Variants in ZFYVE19 observed in about 807,000 individuals in gnomAD.
ZFYVE19 encodes zinc finger FYVE-type containing 19.
A neutral mutation model predicts 62.8 loss-of-function variants in ZFYVE19; 49 were observed. The ratio of observed to expected loss-of-function variants is 0.78; its 90% CI spans 0.62 to 0.99. ZFYVE19 has a LOEUF of 0.99. ZFYVE19 is among the 50% of genes least tolerant of loss of function. The pLI is 0.00. For synonymous variants in ZFYVE19, 242 were observed against 234.3 expected (o/e 1.03, Z -0.30); for missense variants, 630 against 601.9 (o/e 1.05, Z -0.49).
intron 3 of ZFYVE19, 114 bp downstream of exon 3, chr15:40,809,572 C>CCTGA: frequency 7.4e-7 from 1 of 1,348,140 alleles, no homozygotes; most frequent in Non-Finnish European, 1.0e-6. Flanking sequence ...GGAGAATTCT[C>CCTGA]TCCTCTCTGG....
Position 40,809,470 on chromosome 15 carries a change from A to T in ZFYVE19, c.452+12A>T, listed in dbSNP as rs1890407562. ...CAGAACTATAAGAAGTAAGTGCTGA[A>T]GAGAAAAAGACAAAGAGCATTGGGG... is the stretch of plus-strand genomic sequence containing the variant. On this transcript the variant is annotated intron_variant, in intron 3 of 10. Transcript: ENST00000355341. The T allele has an allele frequency of 6.2e-7, 1 of 1,614,012 alleles. No homozygotes were observed. Among genetic ancestry groups the T allele is most frequent in the South Asian group, 1.1e-5 (1 of 91,068 alleles).
In ZFYVE19 at chr15:40,814,496, T is replaced by C; in HGVS notation, c.*270T>C. 5.8e-6 allele frequency: 3 copies of C among 517,148 alleles called. No homozygotes were observed. The highest frequency in any genetic ancestry group is 4.2e-5 in the South Asian group (2 of 48,068). 32.0% of individuals were successfully genotyped at this position (517,148 alleles called of 1,614,324 possible). ...CCAGACTGAATCTACGGGTGAGCCC[T>C]GTAACCTGGCTCTAGGGCACAGGCC... On this transcript the variant is annotated 3_prime_UTR_variant, in exon 11 of 11. Transcript: ENST00000355341.
rs777639089 is a variant in ZFYVE19, at chr15:40,813,841, G to C, written c.1209+30G>C. On this transcript the variant is annotated intron_variant, in intron 9 of 10. Coordinates refer to ENST00000355341, the MANE Select transcript of ZFYVE19 (RefSeq NM_001077268.2). ...GAAAAGCCCCAGATGCAGACCCCCA[G>C]GCTCCCCCCAGCCTTGCTTCCTGCC... The C allele has an allele frequency of 8.1e-6, 13 of 1,606,726 alleles. No homozygotes were observed. The African/African-American group carries it at 1.5e-4, about 18-fold the overall frequency.
At position 40,813,299 on chromosome 15, in the gene ZFYVE19, C is replaced by G. The variant is rs375009922; in HGVS notation, c.1031-39C>G. The G allele has an allele frequency of 7.9e-5, 126 of 1,593,630 alleles. No individual in the cohort carries two copies. The African/African-American group carries it at 1.5e-3, about 19-fold the overall frequency. ...CCACTCATGTGAAATCTCTCACTCT[C>G]ACTCCCCCATCCCCTGTTCCCATGT... On this transcript the variant is annotated intron_variant, in intron 7 of 10. Transcript: ENST00000355341.
At position 40,807,454 on chromosome 15, in the gene ZFYVE19, G is replaced by A. The variant is rs949214499; in HGVS notation, c.-136G>A. On this transcript the variant is annotated 5_prime_UTR_variant, in exon 1 of 11. Coordinates refer to ENST00000355341, the MANE Select transcript of ZFYVE19 (RefSeq NM_001077268.2). ...CTCCTTGGTCACTGCCATGGTTCCG[G>A]CCTGACGGATTCGTACTACAACTCC... 1 of 1,614,204 alleles carries A rather than the reference G, an allele frequency of 6.2e-7. No homozygotes were observed. Among genetic ancestry groups the A allele is most frequent in the Non-Finnish European group, 8.5e-7 (1 of 1,180,012 alleles).
At chr15:40,813,070 T>G (rs1235082412) in intron 7 of ZFYVE19, among the ~76,000 whole-genome samples, 168 bp downstream of exon 7, 1 of 152,102 alleles carries the variant, frequency 6.6e-6, no homozygotes, top group Non-Finnish European at 1.5e-5. Flanking sequence ...GGGGCAGCCA[T>G]GAGGGCAGGG....
intron 4 of ZFYVE19, 32 bp downstream of exon 4, chr15:40,810,002 A>G (rs1484474215): frequency 2.5e-6 from 4 of 1,614,020 alleles, no homozygotes; most frequent in Non-Finnish European, 3.4e-6. Context: ...TGCCTAGAGG[A>G]CACAGTCCAG....
At chr15:40,809,523 C>A (rs186140532) in intron 3 of ZFYVE19, 65 bp downstream of exon 3, 386 of 1,564,630 alleles carry the variant, frequency 2.5e-4, no homozygotes, top group African/African-American at 3.7e-4. Context: ...TAGGGAAAGA[C>A]CCTGCCCCCA....
rs1339561316 is a variant in ZFYVE19 at position 40,812,744 on chromosome 15, C to T, written c.872C>T (p.Thr291Ile). The T allele has an allele frequency of 1.2e-6, 2 of 1,611,730 alleles. No homozygotes were observed. The highest frequency in any genetic ancestry group is 1.7e-6 in the Non-Finnish European group (2 of 1,179,976). Residue 291 changes from threonine to isoleucine, a missense_variant, in exon 7 of 11, where the codon ACT (threonine) becomes ATT (isoleucine). Thr to Ile is a moderately conservative substitution (Grantham distance 89, BLOSUM62 -1). Coordinates refer to ENST00000355341, the MANE Select transcript of ZFYVE19 (RefSeq NM_001077268.2). ...CTCAACCAGGGTGGCCCAGGGAGCA[C>T]TAATTCCAAGAGGCAGGCCAACTGG... is the stretch of plus-strand genomic sequence containing the variant. ...NDLNQGGPGS[T>I]NSKRQANWSL...
chr15:40,809,971 G>T lies in ZFYVE19; in HGVS notation c.571+1G>T. 2 of 1,614,236 alleles carry T rather than the reference G, an allele frequency of 1.2e-6. No individual in the cohort carries two copies. Among genetic ancestry groups the T allele is most frequent in the East Asian group, 2.2e-5 (1 of 44,888 alleles). On this transcript the variant is annotated splice_donor_variant, in intron 4 of 10. Transcript: ENST00000355341. LOFTEE classifies it high-confidence loss of function. The stretch of plus-strand genomic sequence containing the variant: ...CGACTCCGCCAGGAGAACAAGCCCA[G>T]TGAGCAGGGGCAGATGGGGTTGCCT...
In ZFYVE19 at chr15:40,813,705, G is replaced by A; in HGVS notation, c.1111-8G>A. 6.2e-7 allele frequency: 1 copy of A among 1,611,858 alleles called. No homozygotes were observed. Among genetic ancestry groups the A allele is most frequent in the South Asian group, 1.1e-5 (1 of 90,776 alleles). On this transcript the variant is annotated splice_region_variant and splice_polypyrimidine_tract_variant and intron_variant, in intron 8 of 10. Transcript: ENST00000355341. ...CAGGGGAGTAGTACATCTTCACCCTGTCCGCAGCTCACTGAAGAAGCTTCC... is the reference window on the plus strand; with the variant it reads ...CAGGGGAGTAGTACATCTTCACCCTATCCGCAGCTCACTGAAGAAGCTTCC...
chr15:40,808,219 T>C, intron 1 of ZFYVE19: 1 of 1,593,664 alleles, frequency 6.3e-7, no homozygotes, highest in Non-Finnish European at 8.5e-7. Context: ...CCAAGCCCGT[T>C]ACTCCCTCTG....
rs1179136974 is a variant in ZFYVE19, at chr15:40,807,514, C to G, written c.-76C>G. ...AAGCGCGCGTGAGGACTGCAGGCTC[C>G]GAGCGGCGCCTAGCCCTCTGGGAAT... On this transcript the variant is annotated 5_prime_UTR_variant, in exon 1 of 11. Transcript: ENST00000355341. 3 of 1,607,796 alleles carry G rather than the reference C, an allele frequency of 1.9e-6. No individual in the cohort carries two copies. Among genetic ancestry groups the G allele is most frequent in the Non-Finnish European group, 8.5e-7 (1 of 1,175,608 alleles).
At chr15:40,808,035 C>T in intron 1 of ZFYVE19, 167 bp downstream of exon 1, 6 of 1,084,148 alleles carry the variant, frequency 5.5e-6, no homozygotes, top group Non-Finnish European at 8.2e-6. Context: ...AACATTCTCT[C>T]GCTTTCAGGG....
At chr15:40,810,584 C>T (rs559718858) in intron 5 of ZFYVE19, 65 bp from the exon 6 acceptor site, 1 of 1,541,810 alleles carries the variant, frequency 6.5e-7, no homozygotes, top group African/African-American at 1.4e-5. Flanking sequence ...ACTTAGCATC[C>T]ATCCCTGACC....
At chr15:40,811,226 C>A (rs573654543) in intron 6 of ZFYVE19, among the ~76,000 whole-genome samples, 1 of 152,186 alleles carries the variant, frequency 6.6e-6, no homozygotes, top group Non-Finnish European at 1.5e-5. Flanking sequence ...GCTCAGTAGC[C>A]ATATGGGCTT....
intron 2 of ZFYVE19, 62 bp downstream of exon 2, chr15:40,809,302 C>T: frequency 6.2e-7 from 1 of 1,612,922 alleles, no homozygotes; most frequent in East Asian, 2.2e-5. Flanking sequence ...GGCCAGCCCT[C>T]ACAGCTTTGT....
Position 40,810,148 on chromosome 15 carries a change from A to C in ZFYVE19, c.649A>C (p.Thr217Pro). The change falls in exon 5 of 11, where the codon ACC (threonine) becomes CCC (proline). Residue 217 changes from threonine (T) to proline (P), a missense_variant. Thr to Pro is a conservative substitution (Grantham distance 38, BLOSUM62 -1). Transcript: ENST00000355341. ...TGAACGTCAGGGTTCCATCCCTTCC[A>C]CCCAGGAAATGGAGGCACGACTTGC... Reference protein sequence around the residue: ...KDERQGSIPSTQEMEARLAAL... With the variant: ...KDERQGSIPSPQEMEARLAAL... 6.2e-7 allele frequency: 1 copy of C among 1,614,022 alleles called. No homozygotes were observed. The highest frequency in any genetic ancestry group is 1.6e-4 in the Middle Eastern group (1 of 6,062).
At position 40,814,024 on chromosome 15, in the gene ZFYVE19, C is replaced by T. The variant is rs377612121; in HGVS notation, c.1291C>T (p.Arg431Cys). 1.7e-5 allele frequency: 27 copies of T among 1,613,896 alleles called. No individual in the cohort carries two copies. The highest frequency in any genetic ancestry group is 1.1e-4 in the African/African-American group (8 of 74,930). The change falls in exon 10 of 11, where the codon CGC (arginine) becomes TGC (cysteine). Residue 431 changes from arginine (R) to cysteine (C), a missense_variant. Arg to Cys is a radical substitution (Grantham distance 180). Transcript: ENST00000355341. ...CATCTGCAATGAGGATGCCACCCTA[C>T]GCTGCGCTGGCTGCGATGGGGACCT... Reference protein sequence around the residue: ...CCICNEDATLRCAGCDGDLFC... With the variant: ...CCICNEDATLCCAGCDGDLFC...
Sources: gnomAD v4.1 joint callset for allele counts (sites outside exome capture counted in the v4.1 genomes callset) on GRCh38, gnomAD v4.1.1 for gene constraint, MANE v1.5 for transcripts, NCBI Gene and HGNC (gene_info 2026-07-23, HGNC 2026-07-21) for gene names.